GRB10: variants seen among roughly 807,000 people sequenced by gnomAD.
GRB10 encodes the protein growth factor receptor bound protein 10, also known as growth factor receptor-bound protein 10.
Under a neutral mutation model 80.9 loss-of-function variants are expected in GRB10, and 20 were observed. The observed-to-expected ratio is 0.25, with a 90% confidence interval of 0.17 to 0.36. The LOEUF is 0.36. Among genes scored for constraint, GRB10 ranks in the 10% least tolerant of loss-of-function variants. The probability of loss-of-function intolerance (pLI) is 1.00; values close to 1 mark genes in which losing one functional copy is unlikely to be tolerated. For missense variants in GRB10, 548 were observed against 747.7 expected, an observed-to-expected ratio of 0.73 and a Z score of 3.12; for synonymous variants, 291 against 291.5, an observed-to-expected ratio of 1.00 and a Z score of 0.02.
intron 7 of GRB10, among the ~76,000 whole-genome samples, chr7:50,628,121 G>A (rs939803778): frequency 2.0e-5 from 3 of 152,178 alleles, no homozygotes; most frequent in African/African-American, 4.8e-5. Flanking sequence ...AAAAACCCCC[G>A]CTCAATGCTT....
At chr7:50,674,701 G>T in intron 5 of GRB10, 43 bp from the exon 6 acceptor site, 1 of 1,541,670 alleles carries the variant, frequency 6.5e-7, no homozygotes. Flanking sequence ...CTTTAACAAT[G>T]GAGAGCAATC....
chr7:50,746,663 A>G (rs1587795781), intron 3 of GRB10, among the ~76,000 whole-genome samples: 1 of 152,182 alleles, frequency 6.6e-6, no homozygotes, highest in Admixed American at 6.5e-5. Context: ...CACTTTCTCC[A>G]CAAAAGAGGC....
At chr7:50,700,175 T>C (rs888357552) in intron 5 of GRB10, among the ~76,000 whole-genome samples, 8 of 152,218 alleles carry the variant, frequency 5.3e-5, no homozygotes, top group Admixed American at 4.6e-4. Flanking sequence ...CTTGAAAGTT[T>C]AATATCACTC....
intron 17 of GRB10, 189 bp from the exon 18 acceptor site, chr7:50,595,719 A>G: frequency 1.8e-6 from 1 of 569,802 alleles, no homozygotes; most frequent in South Asian, 1.9e-5. Flanking sequence ...GCAAGCACCA[A>G]GACGGTAATT....
At position 50,751,180 on chromosome 7, in the gene GRB10, T is replaced by C. The variant is rs570879334; in HGVS notation, c.-47+4707A>G. On this transcript the variant is annotated intron_variant, in intron 3 of 18. Coordinates refer to ENST00000401949, the MANE Select transcript of GRB10 (RefSeq NM_001350814.2). The stretch of plus-strand genomic sequence containing the variant: ...ATCAGGCCAGAGCTCAGACTCCAGG[T>C]AGACCCACAGCCATGTCCAAACCAG... Among the ~76,000 whole-genome samples, 10 of 152,050 alleles carry C rather than the reference T, an allele frequency of 6.6e-5. No homozygotes were observed. The South Asian group carries it at 1.5e-3, about 22-fold the overall frequency.
intron 7 of GRB10, among the ~76,000 whole-genome samples, chr7:50,636,640 T>A (rs928426719): frequency 1.3e-5 from 2 of 151,880 alleles, no homozygotes; most frequent in Non-Finnish European, 2.9e-5. Context: ...CATATGATTA[T>A]CTAAATGGAT....
intron 7 of GRB10, among the ~76,000 whole-genome samples, chr7:50,635,105 A>C (rs984861060): frequency 7.2e-5 from 11 of 152,342 alleles, no homozygotes; most frequent in Admixed American, 6.5e-4. Flanking sequence ...TCTGCACATC[A>C]AACAAAATTG....
intron 3 of GRB10, among the ~76,000 whole-genome samples, chr7:50,746,751 C>A (rs1312978074): frequency 6.6e-6 from 1 of 152,154 alleles, no homozygotes; most frequent in Non-Finnish European, 1.5e-5. Flanking sequence ...GCAGAACACC[C>A]ATATCACTTC....
chr7:50,686,725 T>C (rs2062144916), intron 5 of GRB10, among the ~76,000 whole-genome samples: 1 of 152,178 alleles, frequency 6.6e-6, no homozygotes, highest in Non-Finnish European at 1.5e-5. Flanking sequence ...GCAATTCTCA[T>C]AGTTCAAGCT....
At chr7:50,684,669 T>C (rs140641471) in intron 5 of GRB10, among the ~76,000 whole-genome samples, 111 of 152,328 alleles carry the variant, frequency 7.3e-4, no homozygotes, top group Non-Finnish European at 1.4e-3. Flanking sequence ...CTGCATTTAA[T>C]ATGCACAGAT....
intron 3 of GRB10, among the ~76,000 whole-genome samples, chr7:50,748,094 C>T (rs188807219): frequency 5.3e-5 from 8 of 152,196 alleles, no homozygotes; most frequent in Non-Finnish European, 1.5e-5. Context: ...CCTGATGATG[C>T]TGGTGACACT....
At chr7:50,618,171 A>C in intron 9 of GRB10, 32 bp from the exon 10 acceptor site, 3 of 1,543,576 alleles carry the variant, frequency 1.9e-6, no homozygotes, top group African/African-American at 1.4e-5. Flanking sequence ...AATACGTAAA[A>C]GGTTAGCTTC....
At chr7:50,793,229 G>T (rs2079011726) in exon 1 of GRB10, 1 of 145,550 alleles carries the variant, frequency 6.9e-6, no homozygotes, top group African/African-American at 2.5e-5. Context: ...CGTACCTGCC[G>T]CGCGCGGCTC....
intron 17 of GRB10, among the ~76,000 whole-genome samples, chr7:50,599,828 G>A (rs2153564700): frequency 1.3e-5 from 2 of 152,312 alleles, no homozygotes; most frequent in Admixed American, 1.3e-4. Flanking sequence ...GCCCAGCAGT[G>A]CTGACCTGCA....
chr7:50,666,640 C>A (rs1417264027), intron 7 of GRB10, among the ~76,000 whole-genome samples: 2 of 152,162 alleles, frequency 1.3e-5, no homozygotes, highest in Non-Finnish European at 2.9e-5. Flanking sequence ...CTGTGAGGAG[C>A]GCCAGGTCCA....
intron 5 of GRB10, among the ~76,000 whole-genome samples, chr7:50,687,849 G>A (rs1314619593): frequency 6.6e-6 from 1 of 152,246 alleles, no homozygotes; most frequent in African/African-American, 2.4e-5. Flanking sequence ...GAAAATAAGT[G>A]TGTCTGACAC....
chr7:50,791,186 A>ATGT (rs2078899458), intron 1 of GRB10, among the ~76,000 whole-genome samples: 1 of 152,238 alleles, frequency 6.6e-6, no homozygotes, highest in Non-Finnish European at 1.5e-5. Flanking sequence ...AATTACAGTA[A>ATGT]ACATAACTAC....
rs2061371148 is a variant in GRB10 at position 50,679,927 on chromosome 7, C to T, written c.140-5269G>A. 3.3e-5 allele frequency among the ~76,000 whole-genome samples: 5 copies of T among 152,176 alleles called. No individual in the cohort carries two copies. The South Asian group carries it at 1.0e-3, about 31-fold the overall frequency. On this transcript the variant is annotated intron_variant, in intron 5 of 18. Transcript: ENST00000401949. ...CTTTGTGCAAATATAACTTAACCTTCTACTGAAACAGCTTTCTGAACAACA... is the reference window on the plus strand; with the variant it reads ...CTTTGTGCAAATATAACTTAACCTTTTACTGAAACAGCTTTCTGAACAACA...
chr7:50,749,122 G>GTTT (rs1236140828), intron 3 of GRB10, among the ~76,000 whole-genome samples: 1 of 73,530 alleles, frequency 1.4e-5, no homozygotes, highest in Admixed American at 1.7e-4. Flanking sequence ...GTTTTGTTTT[G>GTTT]TTTTTTTGTT....
Sources: allele counts gnomAD v4.1 joint callset (sites outside exome capture counted in the v4.1 genomes callset), GRCh38; gene constraint gnomAD v4.1.1; transcripts MANE v1.5; gene names NCBI Gene and HGNC (gene_info 2026-07-23, HGNC 2026-07-21).